The following THSD7A variants were observed in gnomAD, a reference collection of about 807,000 sequenced individuals.
The protein encoded by THSD7A is thrombospondin type-1 domain-containing protein 7A.
A neutral mutation model predicts 231.3 loss-of-function variants in THSD7A; 96 were observed. The observed-to-expected ratio is 0.41, with a 90% CI of 0.35 to 0.49. The LOEUF is 0.49. THSD7A is among the 20% of genes least tolerant of loss of function. The pLI is 0.05. For missense variants in THSD7A, 2,290 were observed against 2,070.2 expected (o/e 1.11, Z -2.06); for synonymous variants, 940 against 743.3 (o/e 1.26, Z -4.30).
intron 1 of THSD7A, among the ~76,000 whole-genome samples, chr7:11,773,182 A>G (rs1040208916): frequency 1.3e-5 from 2 of 152,236 alleles, no homozygotes; most frequent in African/African-American, 4.8e-5. Flanking sequence ...CAAAAAATGC[A>G]TATTTATGGA....
At chr7:11,535,979 G>C (rs1306103879) in intron 6 of THSD7A, among the ~76,000 whole-genome samples, 1 of 152,008 alleles carries the variant, frequency 6.6e-6, no homozygotes, top group African/African-American at 2.4e-5. Flanking sequence ...TGGCACAAAA[G>C]GTACTCCCCT....
intron 17 of THSD7A, among the ~76,000 whole-genome samples, chr7:11,417,150 C>T (rs928858769): frequency 1.3e-5 from 2 of 152,156 alleles, no homozygotes; most frequent in African/African-American, 4.8e-5. Context: ...ATCACCACTG[C>T]AGTTTTTAAC....
At chr7:11,829,825 C>A (rs1785142551) in intron 1 of THSD7A, among the ~76,000 whole-genome samples, 1 of 151,022 alleles carries the variant, frequency 6.6e-6, no homozygotes, top group Non-Finnish European at 1.5e-5. Context: ...ATAAAGAAGT[C>A]ATTATTTTGC....
At chr7:11,818,977 C>T (rs551160803) in intron 1 of THSD7A, among the ~76,000 whole-genome samples, 6 of 152,146 alleles carry the variant, frequency 3.9e-5, no homozygotes, top group East Asian at 1.9e-4. Context: ...CTTTGAACTC[C>T]GCCAGCTAAG....
At chr7:11,415,350 G>T (rs1256175186) in intron 17 of THSD7A, among the ~76,000 whole-genome samples, 1 of 152,148 alleles carries the variant, frequency 6.6e-6, no homozygotes, top group Non-Finnish European at 1.5e-5. Context: ...TCCCATAGAA[G>T]ATTCATAGGT....
chr7:11,809,780 T>C (rs1438405437), intron 1 of THSD7A, among the ~76,000 whole-genome samples: 1 of 152,164 alleles, frequency 6.6e-6, no homozygotes, highest in African/African-American at 2.4e-5. Context: ...CAAATGTTCA[T>C]TGGTTTTCCT....
intron 1 of THSD7A, among the ~76,000 whole-genome samples, chr7:11,714,758 T>C (rs1781079784): frequency 6.6e-6 from 1 of 151,370 alleles, no homozygotes; most frequent in Non-Finnish European, 1.5e-5. Flanking sequence ...AAACACAGCA[T>C]ACACAAAATA....
chr7:11,684,376 CT>C (rs1779954565), intron 1 of THSD7A, among the ~76,000 whole-genome samples: 1 of 148,974 alleles, frequency 6.7e-6, no homozygotes, highest in African/African-American at 2.5e-5. Flanking sequence ...ACTAGAAATC[CT>C]AGCCAGAGCA....
chr7:11,775,331 G>A (rs773967446), intron 1 of THSD7A, among the ~76,000 whole-genome samples: 3 of 152,110 alleles, frequency 2.0e-5, no homozygotes, highest in Non-Finnish European at 4.4e-5. Flanking sequence ...ATATTACCCA[G>A]CAATTCCATC....
At chr7:11,604,028 TA>T (rs555504174) in intron 2 of THSD7A, among the ~76,000 whole-genome samples, 3,026 of 138,230 alleles carry the variant, frequency 0.022, 87 homozygotes, top group African/African-American at 0.072. Flanking sequence ...TAAAGTATAA[TA>T]AAAAAAAAAT....
chr7:11,526,929 C>G (rs1788499286), intron 6 of THSD7A, among the ~76,000 whole-genome samples: 1 of 152,172 alleles, frequency 6.6e-6, no homozygotes, highest in African/African-American at 2.4e-5. Flanking sequence ...CTAACTTTCT[C>G]TCTATTGCAC....
At chr7:11,659,296 C>T (rs536438560) in intron 1 of THSD7A, among the ~76,000 whole-genome samples, 147 of 151,592 alleles carry the variant, frequency 9.7e-4, no homozygotes, top group Non-Finnish European at 1.5e-3. Context: ...TTCTCTGCAC[C>T]GAGCGGTCAG....
intron 1 of THSD7A, among the ~76,000 whole-genome samples, chr7:11,645,683 T>C (rs1782254264): frequency 6.6e-6 from 1 of 151,838 alleles, no homozygotes; most frequent in South Asian, 2.1e-4. Context: ...CATCCCTAGA[T>C]TACATTGCTA....
intron 2 of THSD7A, among the ~76,000 whole-genome samples, chr7:11,635,840 G>A (rs997072915): frequency 2.6e-5 from 4 of 151,076 alleles, no homozygotes. Flanking sequence ...ATAGGGAAAC[G>A]ACACTGTCTA....
At chr7:11,812,704 C>T (rs1409712161) in intron 1 of THSD7A, among the ~76,000 whole-genome samples, 1 of 152,052 alleles carries the variant, frequency 6.6e-6, no homozygotes, top group African/African-American at 2.4e-5. Flanking sequence ...ACTTATTCTT[C>T]ACATAACTGG....
In THSD7A at chr7:11,561,236, T is replaced by C. The variant is rs1401554005; in HGVS notation, c.1454-18119A>G. 2.6e-5 allele frequency among the ~76,000 whole-genome samples: 4 copies of C among 152,200 alleles called. No homozygotes were observed. The East Asian group carries it at 7.7e-4, about 29-fold the overall frequency. ...ACAGGCACACACATATGCATATTTA[T>C]TTAATATAGGTCATAATTAAAAATA... On this transcript the variant is annotated intron_variant, in intron 4 of 27. Coordinates refer to ENST00000423059, the MANE Select transcript of THSD7A (RefSeq NM_015204.3).
chr7:11,774,644 C>T (rs1444977047), intron 1 of THSD7A, among the ~76,000 whole-genome samples: 2 of 152,048 alleles, frequency 1.3e-5, no homozygotes, highest in African/African-American at 4.8e-5. Flanking sequence ...ATATATTATG[C>T]GTGTGCAGTT....
chr7:11,775,973 A>G (rs1404996946), intron 1 of THSD7A, among the ~76,000 whole-genome samples: 3 of 152,188 alleles, frequency 2.0e-5, no homozygotes, highest in African/African-American at 7.2e-5. Flanking sequence ...CCTCACTATT[A>G]TAATTATAAA....
intron 20 of THSD7A, 36 bp downstream of exon 20, chr7:11,407,270 A>T (rs1482238639): frequency 1.9e-6 from 3 of 1,541,008 alleles, no homozygotes; most frequent in Non-Finnish European, 2.7e-6. Context: ...ATATTCCTTG[A>T]CCAGTAGCCT....
Sources: gnomAD v4.1 joint callset for allele counts (sites outside exome capture counted in the v4.1 genomes callset) on GRCh38, gnomAD v4.1.1 for gene constraint, MANE v1.5 for transcripts, NCBI Gene and HGNC (gene_info 2026-07-23, HGNC 2026-07-21) for gene names.